The following PRDM6 variants were observed in gnomAD, a reference collection of about 807,000 sequenced individuals.
PRDM6 encodes the protein putative histone-lysine N-methyltransferase PRDM6.
A neutral mutation model predicts 60.8 loss-of-function variants in PRDM6; 25 were observed. The observed-to-expected ratio is 0.41, with a 90% CI of 0.30 to 0.57. The LOEUF (loss-of-function observed/expected upper bound fraction) is 0.57, where lower values mean the gene tolerates loss of function less well. PRDM6 is among the 20% of genes least tolerant of loss of function. PRDM6 has a pLI of 0.27. For synonymous variants in PRDM6, 407 were observed against 357.4 expected (o/e 1.14, Z -1.57); for missense variants, 839 against 821.3 (o/e 1.02, Z -0.26).
chr5:123,098,130 C>T (rs1357660830), intron 2 of PRDM6, among the ~76,000 whole-genome samples: 3 of 152,224 alleles, frequency 2.0e-5, no homozygotes, highest in African/African-American at 7.2e-5. Flanking sequence ...TTGGGCATTT[C>T]GGTCATTTCA....
chr5:123,180,159 C>T lies in PRDM6; in HGVS notation c.1509C>T (p.Cys503=), dbSNP rs200261402. Residue 503 remains cysteine, a synonymous_variant, in exon 7 of 8, where the codon TGC becomes TGT. Transcript: ENST00000407847. ...CTQNPDRPYQ[C]GHCSQSFSQP... ...TTATTTGTTTCAGACCCTACCAATG[C>T]GGCCACTGCTCCCAGTCCTTTTCCC... is the stretch of plus-strand genomic sequence containing the variant. 4,297 of 1,548,950 alleles carry T rather than the reference C, an allele frequency of 2.8e-3. 15 individuals are homozygous for T. The highest frequency in any genetic ancestry group is 3.3e-3 in the Non-Finnish European group (3,795 of 1,145,074).
At chr5:123,119,402 A>C (rs1303578030) in intron 3 of PRDM6, among the ~76,000 whole-genome samples, 3 of 152,202 alleles carry the variant, frequency 2.0e-5, no homozygotes, top group Admixed American at 2.0e-4. Flanking sequence ...AGGGAGAGAC[A>C]GGTCCTGAAA....
intron 6 of PRDM6, among the ~76,000 whole-genome samples, chr5:123,174,217 T>G (rs1003075892): frequency 1.6e-4 from 24 of 152,234 alleles, no homozygotes; most frequent in African/African-American, 5.1e-4. Flanking sequence ...CATAACATTT[T>G]GGATTTTGGA....
intron 3 of PRDM6, among the ~76,000 whole-genome samples, chr5:123,110,001 A>T (rs2150212028): frequency 6.6e-6 from 1 of 152,300 alleles, no homozygotes; most frequent in East Asian, 1.9e-4. Context: ...AATGACAACA[A>T]ATCAACATAG....
intron 3 of PRDM6, among the ~76,000 whole-genome samples, chr5:123,114,181 C>T (rs1417696291): frequency 6.6e-6 from 1 of 152,172 alleles, no homozygotes; most frequent in Non-Finnish European, 1.5e-5. Context: ...AGGAAAGATG[C>T]CCCTGGGAGA....
chr5:123,169,171 T>G lies in PRDM6; in HGVS notation c.1154-1595T>G, dbSNP rs1160990240. Among the ~76,000 whole-genome samples the G allele has an allele frequency of 4.6e-5, 7 of 152,204 alleles. No individual in the cohort carries two copies. In the East Asian group the frequency reaches 1.2e-3, roughly 25 times the overall value. On this transcript the variant is annotated intron_variant, in intron 5 of 7. Coordinates refer to ENST00000407847, the MANE Select transcript of PRDM6 (RefSeq NM_001136239.4). The stretch of plus-strand genomic sequence containing the variant: ...TCATTCTCTTGACCACCTGGTAACT[T>G]TAATCTCTCAGCCTTGAAATGATCC...
In PRDM6 at chr5:123,135,862, G is replaced by A. The variant is rs148485472; in HGVS notation, c.901-20022G>A. Among the ~76,000 whole-genome samples the A allele has an allele frequency of 1.9e-3, 287 of 152,038 alleles. 3 individuals are homozygous for A. The highest frequency in any genetic ancestry group is 6.7e-3 in the African/African-American group (276 of 41,454). ...AATATTAAAATAATCAGACCAATCC[G>A]CTTGGACAGTGGAGATCAACATAAT... On this transcript the variant is annotated intron_variant, in intron 3 of 7. Coordinates refer to ENST00000407847, the MANE Select transcript of PRDM6 (RefSeq NM_001136239.4).
chr5:123,156,218 G>T (rs917332243), intron 4 of PRDM6, among the ~76,000 whole-genome samples: 1 of 151,946 alleles, frequency 6.6e-6, no homozygotes, highest in Admixed American at 6.6e-5. Flanking sequence ...AAAAGTGCTC[G>T]TAGATGGCCT....
chr5:123,185,535 T>C (rs1561890386), intron 7 of PRDM6, among the ~76,000 whole-genome samples: 1 of 152,224 alleles, frequency 6.6e-6, no homozygotes, highest in Non-Finnish European at 1.5e-5. Context: ...GTTATTTTCA[T>C]TGAGCTGATA....
chr5:123,132,074 A>G (rs1764845604), intron 3 of PRDM6, among the ~76,000 whole-genome samples: 2 of 152,192 alleles, frequency 1.3e-5, no homozygotes, highest in Admixed American at 1.3e-4. Flanking sequence ...CATATTAACT[A>G]TCATTATTAT....
chr5:123,116,442 A>G (rs1032425062), intron 3 of PRDM6, among the ~76,000 whole-genome samples: 1 of 152,232 alleles, frequency 6.6e-6, no homozygotes, highest in East Asian at 1.9e-4. Context: ...CAAACTCGGC[A>G]TCACCAAGGT....
chr5:123,178,148 T>C (rs926896510), intron 6 of PRDM6, among the ~76,000 whole-genome samples: 10 of 152,164 alleles, frequency 6.6e-5, no homozygotes, highest in East Asian at 1.9e-4. Context: ...AAAGGATGGA[T>C]TGACTTCTGA....
At chr5:123,124,912 T>C (rs1017785908) in intron 3 of PRDM6, among the ~76,000 whole-genome samples, 2 of 152,102 alleles carry the variant, frequency 1.3e-5, no homozygotes, top group African/African-American at 4.8e-5. Flanking sequence ...AAAAAAAAAG[T>C]AAAACAAAGT....
intron 3 of PRDM6, among the ~76,000 whole-genome samples, chr5:123,146,993 C>G (rs1239670187): frequency 6.6e-6 from 1 of 152,150 alleles, no homozygotes; most frequent in Non-Finnish European, 1.5e-5. Flanking sequence ...TAAATGTTTA[C>G]TCAAGCTTTC....
chr5:123,090,189 C>G lies in PRDM6; in HGVS notation c.175C>G (p.Pro59Ala), dbSNP rs574108881. The change falls in exon 2 of 8, where the codon CCG becomes GCG. Residue 59 changes from proline (P) to alanine (A), a missense_variant. Pro to Ala is a conservative substitution (Grantham distance 27). Coordinates refer to ENST00000407847, the MANE Select transcript of PRDM6 (RefSeq NM_001136239.4). ...PLQPPPPPPP[P>A]ERAEPPPDSL... Reference sequence around the variant, plus strand: ...TCAGCCGCCGCCGCCGCCCCCGCCCCCGGAGCGCGCTGAGCCTCCGCCGGA... The same window carrying G: ...TCAGCCGCCGCCGCCGCCCCCGCCCGCGGAGCGCGCTGAGCCTCCGCCGGA... The G allele has an allele frequency of 6.0e-6, 9 of 1,488,002 alleles. No homozygotes were observed. The highest frequency in any genetic ancestry group is 2.3e-5 in the Admixed American group (1 of 42,774). 92.2% of individuals were successfully genotyped at this position (1,488,002 alleles called of 1,614,324 possible). A position where few individuals can be genotyped will look rare whatever the true frequency, so the allele number is the denominator to read the frequency against.
chr5:123,147,891 G>A (rs1765283659), intron 3 of PRDM6, among the ~76,000 whole-genome samples: 1 of 152,324 alleles, frequency 6.6e-6, no homozygotes, highest in South Asian at 2.1e-4. Flanking sequence ...TCAGAGATAA[G>A]TGGAATTCAC....
rs2150202963 is a variant in PRDM6, at chr5:123,090,167, G to GCCGCCA, written c.158_159insACCGCC (p.Pro58_Pro59dup). The GCCGCCA allele has an allele frequency of 2.8e-6, 4 of 1,414,400 alleles. No homozygotes were observed. The highest frequency in any genetic ancestry group is 3.8e-6 in the Non-Finnish European group (4 of 1,061,612). The allele number at this position is 1,414,400 out of a possible 1,614,324, so 87.6% of individuals were successfully genotyped here. On this transcript the variant is annotated inframe_insertion, in exon 2 of 8. Transcript: ENST00000407847. ...TCCTGAGCGCGCCGCAGCCTCTTCA[G>GCCGCCA]CCGCCGCCGCCGCCCCCGCCCCCGG...
chr5:123,126,192 A>T (rs895557846), intron 3 of PRDM6, among the ~76,000 whole-genome samples: 1 of 152,178 alleles, frequency 6.6e-6, no homozygotes, highest in Non-Finnish European at 1.5e-5. Context: ...CCACTTTTGT[A>T]CATGCATAAG....
chr5:123,103,764 G>A (rs1764151254), intron 3 of PRDM6, among the ~76,000 whole-genome samples: 1 of 151,950 alleles, frequency 6.6e-6, no homozygotes, highest in Non-Finnish European at 1.5e-5. Flanking sequence ...ATAAAATACG[G>A]AAGTTTAAAA....
Sources: allele counts gnomAD v4.1 joint callset (sites outside exome capture counted in the v4.1 genomes callset), GRCh38; gene constraint gnomAD v4.1.1; transcripts MANE v1.5; gene names NCBI Gene and HGNC (gene_info 2026-07-23, HGNC 2026-07-21).